The following DLG2 variants were observed in gnomAD, a reference collection of about 807,000 sequenced individuals.
The protein encoded by DLG2 is disks large homolog 2.
A neutral mutation model predicts 132.5 loss-of-function variants in DLG2; 45 were observed. The observed-to-expected ratio is 0.34, with a 90% CI of 0.27 to 0.44. The LOEUF (loss-of-function observed/expected upper bound fraction) is 0.44, where lower values mean the gene tolerates loss of function less well. Among genes scored for constraint, DLG2 ranks in the 20% least tolerant of loss-of-function variants. The probability of loss-of-function intolerance (pLI) is 1.00; values close to 1 mark genes in which losing one functional copy is unlikely to be tolerated. For missense variants in DLG2, 1,045 were observed against 1,196.9 expected (o/e 0.87, Z 1.87); for synonymous variants, 424 against 419.6 (o/e 1.01, Z -0.13).
At chr11:84,758,389 T>A (rs1005123638) in intron 6 of DLG2, among the ~76,000 whole-genome samples, 2 of 152,262 alleles carry the variant, frequency 1.3e-5, no homozygotes, top group Non-Finnish European at 1.5e-5. Context: ...TCATCAATGT[T>A]GTCTGTAAAA....
intron 21 of DLG2, among the ~76,000 whole-genome samples, chr11:83,531,845 C>T (rs1045699878): frequency 1.3e-5 from 2 of 148,864 alleles, no homozygotes; most frequent in Non-Finnish European, 3.0e-5. Flanking sequence ...ACACATTCTA[C>T]AACACAAACA....
At chr11:84,970,751 C>T (rs1026915818) in intron 6 of DLG2, among the ~76,000 whole-genome samples, 1 of 152,112 alleles carries the variant, frequency 6.6e-6, no homozygotes, top group Admixed American at 6.6e-5. Context: ...TGGCTTCCAC[C>T]AAAATACTCC....
At chr11:84,306,246 GC>G (rs1184962543) in intron 7 of DLG2, among the ~76,000 whole-genome samples, 1 of 151,416 alleles carries the variant, frequency 6.6e-6, no homozygotes, top group African/African-American at 2.4e-5. Flanking sequence ...ATCACATAGG[GC>G]CCCATAAATA....
At chr11:83,921,769 G>C (rs1158167303) in intron 15 of DLG2, among the ~76,000 whole-genome samples, 2 of 152,100 alleles carry the variant, frequency 1.3e-5, no homozygotes, top group East Asian at 3.8e-4. Context: ...TACAAAGATT[G>C]CTCCCAAAAC....
chr11:84,167,950 G>C (rs951378743), intron 8 of DLG2, among the ~76,000 whole-genome samples: 2 of 152,194 alleles, frequency 1.3e-5, no homozygotes, highest in African/African-American at 4.8e-5. Context: ...ACAGGCGTGA[G>C]CCACCACGCC....
At chr11:83,942,450 C>T (rs11233827) in intron 14 of DLG2, among the ~76,000 whole-genome samples, 7,222 of 152,116 alleles carry the variant, frequency 0.047, 213 homozygotes, top group East Asian at 0.15. Flanking sequence ...TAGAAGCATA[C>T]GCCAGGGAAT....
chr11:83,754,469 C>A (rs1272654704), intron 18 of DLG2, among the ~76,000 whole-genome samples: 1 of 151,406 alleles, frequency 6.6e-6, no homozygotes, highest in East Asian at 1.9e-4. Context: ...TATGGAGAAG[C>A]AGTGCATCAT....
chr11:84,303,322 G>C (rs1352202058), intron 7 of DLG2, among the ~76,000 whole-genome samples: 1 of 152,110 alleles, frequency 6.6e-6, no homozygotes, highest in Non-Finnish European at 1.5e-5. Context: ...AACCATAACT[G>C]TAACAGTCAA....
intron 6 of DLG2, among the ~76,000 whole-genome samples, chr11:84,560,756 G>A (rs540983707): frequency 4.6e-5 from 7 of 152,142 alleles, no homozygotes; most frequent in African/African-American, 1.4e-4. Context: ...AAGAAAATGA[G>A]GGGTATGCTG....
chr11:84,802,989 C>T (rs889883473), intron 6 of DLG2, among the ~76,000 whole-genome samples: 4 of 151,892 alleles, frequency 2.6e-5, no homozygotes, highest in African/African-American at 4.8e-5. Context: ...TTGGTAGAGA[C>T]GGGTTTCACA....
intron 3 of DLG2, among the ~76,000 whole-genome samples, chr11:85,487,966 A>G (rs1031870786): frequency 6.6e-6 from 1 of 152,214 alleles, no homozygotes; most frequent in Admixed American, 6.5e-5. Flanking sequence ...AGTGGGAGAT[A>G]ATTAGAATCA....
intron 5 of DLG2, among the ~76,000 whole-genome samples, chr11:85,122,355 A>G (rs1193447995): frequency 1.3e-5 from 2 of 152,248 alleles, no homozygotes; most frequent in Admixed American, 6.5e-5. Context: ...TTAGGGAAGT[A>G]TCAAGCTAGG....
intron 21 of DLG2, among the ~76,000 whole-genome samples, chr11:83,519,414 A>G (rs2095407345): frequency 6.6e-6 from 1 of 152,238 alleles, no homozygotes; most frequent in South Asian, 2.1e-4. Context: ...ATTTATTTGA[A>G]CATGATAGAT....
intron 20 of DLG2, among the ~76,000 whole-genome samples, chr11:83,537,248 C>G (rs550101183): frequency 6.6e-6 from 1 of 152,288 alleles, no homozygotes; most frequent in African/African-American, 2.4e-5. Flanking sequence ...CTCCCTCTCT[C>G]CCATCTGGTA....
intron 8 of DLG2, among the ~76,000 whole-genome samples, chr11:84,175,107 G>A (rs1300248164): frequency 6.6e-6 from 1 of 152,174 alleles, no homozygotes; most frequent in African/African-American, 2.4e-5. Context: ...TAGCAAATGA[G>A]TGCCTATAGG....
At chr11:83,846,688 A>G (rs2058665948) in intron 16 of DLG2, among the ~76,000 whole-genome samples, 1 of 152,162 alleles carries the variant, frequency 6.6e-6, no homozygotes, top group South Asian at 2.1e-4. Flanking sequence ...ACCTTGGTAA[A>G]TGGAATCAAT....
chr11:85,123,301 G>T (rs927923113), intron 5 of DLG2, among the ~76,000 whole-genome samples: 4 of 151,918 alleles, frequency 2.6e-5, no homozygotes, highest in Admixed American at 6.6e-5. Flanking sequence ...TTAAGGGAAG[G>T]TTCAAGTTAA....
At chr11:85,160,108 C>A (rs1482902397) in intron 4 of DLG2, among the ~76,000 whole-genome samples, 1 of 152,176 alleles carries the variant, frequency 6.6e-6, no homozygotes, top group Non-Finnish European at 1.5e-5. Flanking sequence ...CTGAATTTGG[C>A]CCCTCCTACA....
chr11:85,169,684 T>C (rs2078707331), intron 4 of DLG2, among the ~76,000 whole-genome samples: 1 of 152,196 alleles, frequency 6.6e-6, no homozygotes, highest in Admixed American at 6.5e-5. Context: ...GTAATATTCC[T>C]CAGTCTTTCT....
Sources: allele counts gnomAD v4.1 joint callset (sites outside exome capture counted in the v4.1 genomes callset), GRCh38; gene constraint gnomAD v4.1.1; transcripts MANE v1.5; gene names NCBI Gene and HGNC (gene_info 2026-07-23, HGNC 2026-07-21).